The following ZBTB25 variants were observed in gnomAD, a reference collection of about 807,000 sequenced individuals.
ZBTB25 encodes the protein zinc finger and BTB domain-containing protein 25.
Under a neutral mutation model 34.2 loss-of-function variants are expected in ZBTB25, and 20 were observed. The observed-to-expected ratio is 0.58, with a 90% CI of 0.41 to 0.85. The LOEUF (loss-of-function observed/expected upper bound fraction) is 0.85. Ranked by LOEUF, ZBTB25 falls within the 40% of genes least tolerant of loss-of-function variation. The probability of loss-of-function intolerance (pLI) is 0.00; values close to 1 mark genes in which losing one functional copy is unlikely to be tolerated. For synonymous variants in ZBTB25, 175 were observed against 186.4 expected (o/e 0.94, Z 0.50); for missense variants, 437 against 521.8 (o/e 0.84, Z 1.58).
intron 2 of ZBTB25, among the ~76,000 whole-genome samples, chr14:64,464,667 A>G (rs2078591503): frequency 6.6e-6 from 1 of 152,170 alleles, no homozygotes; most frequent in South Asian, 2.1e-4. Context: ...GGGCCAGAGG[A>G]GGAGGCTGGG....
At position 64,484,806 on chromosome 14, in the gene ZBTB25, T is replaced by C. The variant is rs2078841255; in HGVS notation, c.*2117A>G. On this transcript the variant is annotated 3_prime_UTR_variant, in exon 3 of 3. Transcript: ENST00000608382. ...TTGAAGAAGGCTAGGAAATATATCT[T>C]AACTAGCCTAAAATACAAAAAATCA... is the stretch of plus-strand genomic sequence containing the variant. 1 of 163,314 alleles carries C rather than the reference T, an allele frequency of 6.1e-6. No homozygotes were observed. The highest frequency in any genetic ancestry group is 2.4e-5 in the African/African-American group (1 of 41,642). The allele number at this position is 163,314 out of a possible 1,614,324, so 10.1% of individuals were successfully genotyped here.
intron 2 of ZBTB25, chr14:64,468,366 T>C (rs988068667): frequency 1.3e-6 from 2 of 1,550,038 alleles, no homozygotes; most frequent in Admixed American, 2.1e-5. Context: ...AGAATACAGT[T>C]TTCTAGAGAA....
chr14:64,483,275 T>C lies in ZBTB25; in HGVS notation c.*3648A>G, dbSNP rs989979104. The C allele has an allele frequency of 6.6e-6, 1 of 152,240 alleles. No individual in the cohort carries two copies. The highest frequency in any genetic ancestry group is 1.5e-5 in the Non-Finnish European group (1 of 68,158). The allele number at this position is 152,240 out of a possible 1,614,324, so 9.4% of individuals were successfully genotyped here. A position where few individuals can be genotyped will look rare whatever the true frequency, so the allele number is the denominator to read the frequency against. ...GTAGTCAAAAAATAAAGGTTTTAGC[T>C]GGAAGAACTTTTTTTTTTTTGAGAT... On this transcript the variant is annotated 3_prime_UTR_variant, in exon 3 of 3. Coordinates refer to ENST00000608382, the MANE Select transcript of ZBTB25 (RefSeq NM_006977.5).
chr14:64,493,268 C>T (rs79815502), intron 1 of ZBTB25, among the ~76,000 whole-genome samples: 2,605 of 152,278 alleles, frequency 0.017, 29 homozygotes, highest in Non-Finnish European at 0.029. Flanking sequence ...AAAGCTTGAA[C>T]TAAAATCAGA....
intron 1 of ZBTB25, among the ~76,000 whole-genome samples, chr14:64,491,283 T>C (rs917985024): frequency 1.3e-5 from 2 of 152,114 alleles, no homozygotes; most frequent in Non-Finnish European, 2.9e-5. Flanking sequence ...CTGAGCAATA[T>C]AGTGAAACGT....
chr14:64,469,696 C>T (rs371694690), intron 2 of ZBTB25: 11 of 1,503,372 alleles, frequency 7.3e-6, no homozygotes, highest in African/African-American at 1.4e-5. Flanking sequence ...TCCAGAGTCA[C>T]GGCAGAAAAA....
intron 2 of ZBTB25, chr14:64,461,865 G>A (rs2078560383): frequency 6.6e-6 from 1 of 152,210 alleles, no homozygotes; most frequent in African/African-American, 2.4e-5. Flanking sequence ...CCAAAGTGCT[G>A]GGATTACAGG....
downstream of ZBTB25, among the ~76,000 whole-genome samples, chr14:64,476,932 A>G (rs564293394): frequency 2.6e-5 from 4 of 152,176 alleles, no homozygotes; most frequent in Non-Finnish European, 5.9e-5. Context: ...TCTAAGACTT[A>G]TATTTTTCTG....
In ZBTB25 at chr14:64,485,999, C is replaced by G. The variant is rs1016487399; in HGVS notation, c.*924G>C. On this transcript the variant is annotated 3_prime_UTR_variant, in exon 3 of 3. Coordinates refer to ENST00000608382, the MANE Select transcript of ZBTB25 (RefSeq NM_006977.5). The stretch of plus-strand genomic sequence containing the variant: ...TTTTAATGTCTCTCTGACTCTTCTC[C>G]CTTTAACTGTTTTTTTTATTAAAAA... 1 of 984,482 alleles carries G rather than the reference C, an allele frequency of 1.0e-6. No homozygotes were observed. 61.0% of individuals were successfully genotyped at this position (984,482 alleles called of 1,614,324 possible). A position where few individuals can be genotyped will look rare whatever the true frequency, so the allele number is the denominator to read the frequency against.
At chr14:64,490,333 A>ATT in intron 2 of ZBTB25, 28 bp downstream of exon 2, 1 of 1,499,316 alleles carries the variant, frequency 6.7e-7, no homozygotes. Flanking sequence ...AATATTAAAA[A>ATT]TTCTTATTTA....
Position 64,468,422 on chromosome 14 carries a change from G to A in ZBTB25, c.174-18784C>T. The A allele has an allele frequency of 6.9e-6, 11 of 1,604,116 alleles. No homozygotes were observed. The highest frequency in any genetic ancestry group is 5.9e-6 in the Non-Finnish European group (7 of 1,177,128). The stretch of plus-strand genomic sequence containing the variant: ...GGAAACCACAATTTCAGAAATTCAT[G>A]TAGAAAACAAGGATGAGAAGAGATC... On this transcript the variant is annotated intron_variant, in intron 2 of 2. Transcript: ENST00000555220.
chr14:64,449,503 T>G (rs2078336808), exon 3 of ZBTB25: 2 of 1,614,112 alleles, frequency 1.2e-6, no homozygotes, highest in African/African-American at 1.3e-5. Context: ...ACATGGGGCT[T>G]TTGATGCCGT....
At chr14:64,460,318 A>C (rs2078538873) in intron 2 of ZBTB25, 1 of 186,884 alleles carries the variant, frequency 5.4e-6, no homozygotes, top group Admixed American at 5.3e-5. Context: ...TTTTTGCCTG[A>C]ACTTCCTTGG....
chr14:64,492,601 C>A (rs377668036), intron 1 of ZBTB25, among the ~76,000 whole-genome samples: 4 of 141,276 alleles, frequency 2.8e-5, no homozygotes, highest in Admixed American at 7.2e-5. Flanking sequence ...TAAGTTGTCT[C>A]AAAAAAAAAA....
In ZBTB25 at chr14:64,486,008, G is replaced by GT. The variant is rs556687862; in HGVS notation, c.*914dup. ...CTCTCTGACTCTTCTCCCTTTAACT[G>GT]TTTTTTTTATTAAAAATGAGATATA... On this transcript the variant is annotated 3_prime_UTR_variant, in exon 3 of 3. Coordinates refer to ENST00000608382, the MANE Select transcript of ZBTB25 (RefSeq NM_006977.5). The GT allele has an allele frequency of 5.1e-4, 501 of 983,456 alleles. 1 individual carries two copies. Among genetic ancestry groups the GT allele is most frequent in the African/African-American group, 3.7e-3 (211 of 57,106 alleles). 60.9% of individuals were successfully genotyped at this position (983,456 alleles called of 1,614,324 possible).
chr14:64,455,960 T>A (rs975136424), intron 2 of ZBTB25, among the ~76,000 whole-genome samples: 1 of 152,224 alleles, frequency 6.6e-6, no homozygotes, highest in East Asian at 1.9e-4. Context: ...TCTCCAGGAT[T>A]TGTAGAAATC....
intron 2 of ZBTB25, chr14:64,468,295 A>C (rs1319453825): frequency 8.6e-7 from 1 of 1,166,726 alleles, no homozygotes; most frequent in East Asian, 2.6e-5. Flanking sequence ...GCCTGGAAGA[A>C]ATTTTACCTA....
intron 1 of ZBTB25, among the ~76,000 whole-genome samples, chr14:64,492,683 G>C (rs1227163151): frequency 6.6e-6 from 1 of 151,670 alleles, no homozygotes; most frequent in Non-Finnish European, 1.5e-5. Flanking sequence ...CTGAACCATA[G>C]GGAAATGAGA....
rs774263596 is a variant in ZBTB25 at position 64,485,854 on chromosome 14, G to A, written c.*1069C>T. The A allele has an allele frequency of 3.7e-5, 36 of 985,244 alleles. No homozygotes were observed. Among genetic ancestry groups the A allele is most frequent in the Non-Finnish European group, 4.0e-5 (33 of 829,904 alleles). The allele number at this position is 985,244 out of a possible 1,614,324, so 61.0% of individuals were successfully genotyped here. ...TCAAATTACTTTTTAAGGTGTCTAA[G>A]AAAACACTCTAGACCAAGTTAACAA... On this transcript the variant is annotated 3_prime_UTR_variant, in exon 3 of 3. Coordinates refer to ENST00000608382, the MANE Select transcript of ZBTB25 (RefSeq NM_006977.5).
Sources: allele counts gnomAD v4.1 joint callset (sites outside exome capture counted in the v4.1 genomes callset), GRCh38; gene constraint gnomAD v4.1.1; transcripts MANE v1.5; gene names NCBI Gene and HGNC (gene_info 2026-07-23, HGNC 2026-07-21).